Variants in AGMO observed in about 807,000 individuals in gnomAD.
AGMO encodes glyceryl-ether monooxygenase.
AGMO carries 75 observed loss-of-function variants against 60.2 expected under a neutral mutation model. The ratio of observed to expected loss-of-function variants is 1.25; its 90% CI spans 1.03 to 1.51. The LOEUF is 1.51. AGMO is among the 40% of genes most tolerant of loss of function. AGMO has a pLI of 0.00. For synonymous variants in AGMO, 261 were observed against 177.1 expected, an observed-to-expected ratio of 1.47 and a Z score of -3.76; for missense variants, 763 against 525.5, an observed-to-expected ratio of 1.45 and a Z score of -4.42.
intron 12 of AGMO, among the ~76,000 whole-genome samples, chr7:15,312,486 T>C (rs1015694984): frequency 7.4e-6 from 1 of 135,074 alleles, no homozygotes; most frequent in Non-Finnish European, 1.5e-5. Context: ...GTATCTTTAG[T>C]GTGCCCAAAA....
chr7:15,520,278 A>G (rs1783944990), intron 3 of AGMO, among the ~76,000 whole-genome samples: 1 of 152,188 alleles, frequency 6.6e-6, no homozygotes, highest in East Asian at 1.9e-4. Flanking sequence ...TGTCAATATT[A>G]GACAGATCAA....
At chr7:15,230,037 T>A (rs1782213009) in intron 12 of AGMO, among the ~76,000 whole-genome samples, 1 of 151,922 alleles carries the variant, frequency 6.6e-6, no homozygotes, top group African/African-American at 2.4e-5. Context: ...ATTAATTTCT[T>A]ATTTTAAAAC....
At chr7:15,392,316 C>A (rs562696668) in intron 6 of AGMO, among the ~76,000 whole-genome samples, 3 of 130,648 alleles carry the variant, frequency 2.3e-5, no homozygotes, top group African/African-American at 9.5e-5. Flanking sequence ...CCTCGTGATC[C>A]GCGATCCGCC....
the AGMO span, among the ~76,000 whole-genome samples, chr7:15,125,319 A>G: frequency 6.6e-6 from 1 of 152,058 alleles, no homozygotes; most frequent in Non-Finnish European, 1.5e-5. Context: ...TCTGTGCCCT[A>G]CTCACAGAAT....
chr7:15,203,850 A>C (rs1563033315), intron 12 of AGMO, among the ~76,000 whole-genome samples: 1 of 152,180 alleles, frequency 6.6e-6, no homozygotes, highest in Non-Finnish European at 1.5e-5. Context: ...ATCATTTCAA[A>C]GAATATGAAC....
intron 12 of AGMO, among the ~76,000 whole-genome samples, chr7:15,212,875 A>C (rs893583313): frequency 1.3e-5 from 2 of 152,004 alleles, no homozygotes; most frequent in Non-Finnish European, 2.9e-5. Flanking sequence ...GCAATGTTCA[A>C]TTTAAATAAG....
intron 3 of AGMO, among the ~76,000 whole-genome samples, chr7:15,530,297 ACG>A (rs1784265491): frequency 2.4e-5 from 1 of 41,986 alleles, no homozygotes; most frequent in African/African-American, 8.5e-5. Context: ...TATTCTATAT[ACG>A]TATTTCCATA....
At chr7:15,320,387 T>C (rs1019054627) in intron 12 of AGMO, among the ~76,000 whole-genome samples, 1 of 152,110 alleles carries the variant, frequency 6.6e-6, no homozygotes, top group Non-Finnish European at 1.5e-5. Context: ...CCATTTCTTA[T>C]TTCTGGATTC....
At chr7:15,549,943 G>C (rs781212847) in intron 2 of AGMO, among the ~76,000 whole-genome samples, 408 of 150,224 alleles carry the variant, frequency 2.7e-3, no homozygotes, top group Non-Finnish European at 4.5e-3. Context: ...AAATGTAAAA[G>C]AACAGAAATT....
At chr7:15,465,375 G>C (rs754684369) in intron 3 of AGMO, among the ~76,000 whole-genome samples, 34 of 149,788 alleles carry the variant, frequency 2.3e-4, no homozygotes, top group Non-Finnish European at 3.6e-4. Context: ...ACATATATAT[G>C]AATAAATATG....
intron 10 of AGMO, among the ~76,000 whole-genome samples, chr7:15,378,723 G>C (rs1783556720): frequency 6.9e-6 from 1 of 145,426 alleles, no homozygotes; most frequent in African/African-American, 2.5e-5. Flanking sequence ...TCTCCACCCA[G>C]AGTTCTGGGT....
At chr7:15,502,298 C>T (rs375133655) in intron 3 of AGMO, among the ~76,000 whole-genome samples, 8 of 151,902 alleles carry the variant, frequency 5.3e-5, no homozygotes, top group South Asian at 4.2e-4. Context: ...AACATTCTTT[C>T]GCTCCCCCCA....
intron 3 of AGMO, among the ~76,000 whole-genome samples, chr7:15,459,599 T>TGTATGTGTG (rs1554274867): frequency 1.4e-3 from 193 of 142,234 alleles, no homozygotes; most frequent in African/African-American, 5.0e-3. Flanking sequence ...GTATGTGCGT[T>TGTATGTGTG]TGTGTGTGTG....
intron 12 of AGMO, among the ~76,000 whole-genome samples, chr7:15,202,257 T>G (rs1043264936): frequency 6.6e-6 from 1 of 151,824 alleles, no homozygotes; most frequent in African/African-American, 2.4e-5. Context: ...ACCTGGAAGA[T>G]TCACTGAAAT....
chr7:15,314,355 T>C (rs1376536740), intron 12 of AGMO, among the ~76,000 whole-genome samples: 1 of 152,146 alleles, frequency 6.6e-6, no homozygotes, highest in African/African-American at 2.4e-5. Context: ...AGTAATGATA[T>C]AATTGAGTCA....
chr7:15,273,472 C>T (rs1033656449), intron 12 of AGMO, among the ~76,000 whole-genome samples: 5 of 152,030 alleles, frequency 3.3e-5, no homozygotes, highest in African/African-American at 1.2e-4. Context: ...TTTTGTTCCA[C>T]TGGTCTGTAT....
intron 12 of AGMO, among the ~76,000 whole-genome samples, chr7:15,355,113 T>A (rs1202072409): frequency 4.6e-5 from 7 of 152,078 alleles, no homozygotes. Context: ...AGGGTGAATT[T>A]GGGATTAATT....
the AGMO span, among the ~76,000 whole-genome samples, chr7:15,124,049 T>C: frequency 6.6e-6 from 1 of 152,088 alleles, no homozygotes; most frequent in Non-Finnish European, 1.5e-5. Context: ...GTTTTTATGA[T>C]ATTTAGAATC....
In AGMO at chr7:15,211,126, G is replaced by C. The variant is rs867534962; in HGVS notation, c.1264-9767C>G. 3.3e-5 allele frequency among the ~76,000 whole-genome samples: 5 copies of C among 152,046 alleles called. No homozygotes were observed. In the Middle Eastern group the frequency reaches 0.01, roughly 310 times the overall value. On this transcript the variant is annotated intron_variant, in intron 12 of 12. Coordinates refer to ENST00000342526, the MANE Select transcript of AGMO (RefSeq NM_001004320.2). ...GTCCCAGTTCAACACAAACTATTTT[G>C]CCTCAAGAGGTCAATTTGATTTTGT...
Sources: allele counts gnomAD v4.1 joint callset (sites outside exome capture counted in the v4.1 genomes callset), GRCh38; gene constraint gnomAD v4.1.1; transcripts MANE v1.5; gene names NCBI Gene and HGNC (gene_info 2026-07-23, HGNC 2026-07-21).